TMCC1: variants seen among roughly 807,000 people sequenced by gnomAD.
TMCC1 encodes the protein transmembrane and coiled-coil domains protein 1.
A neutral mutation model predicts 52.4 loss-of-function variants in TMCC1; 15 were observed. That is an observed-to-expected ratio of 0.29 (90% CI 0.19 to 0.44). TMCC1 has a LOEUF of 0.44. Ranked by LOEUF, TMCC1 falls within the 20% of genes least tolerant of loss-of-function variation. TMCC1 has a pLI of 1.00. For synonymous variants in TMCC1, 279 were observed against 301.9 expected, an observed-to-expected ratio of 0.92 and a Z score of 0.79; for missense variants, 503 against 806.0, an observed-to-expected ratio of 0.62 and a Z score of 4.55.
intron 4 of TMCC1, among the ~76,000 whole-genome samples, chr3:129,720,377 T>A (rs2107591479): frequency 6.6e-6 from 1 of 152,238 alleles, no homozygotes; most frequent in African/African-American, 2.4e-5. Context: ...TGCACTGAGA[T>A]CTCCAGCACA....
At chr3:129,880,671 G>A (rs2061417146) in intron 1 of TMCC1, 112 bp from the exon 2 acceptor site, 1 of 152,078 alleles carries the variant, frequency 6.6e-6, no homozygotes. Context: ...AACCCAAAAT[G>A]CCCCAAAATC....
intron 6 of TMCC1, among the ~76,000 whole-genome samples, chr3:129,654,533 A>C (rs1184107207): frequency 6.6e-6 from 1 of 152,210 alleles, no homozygotes; most frequent in Non-Finnish European, 1.5e-5. Context: ...TATTAGCCTT[A>C]ATTAAACATT....
intron 4 of TMCC1, among the ~76,000 whole-genome samples, chr3:129,778,491 T>C (rs568842932): frequency 1.4e-4 from 22 of 152,334 alleles, no homozygotes; most frequent in Non-Finnish European, 2.5e-4. Flanking sequence ...ATAATTCCTA[T>C]AGTCCAGAAT....
At chr3:129,855,276 G>GT (rs1339230950) in intron 2 of TMCC1, among the ~76,000 whole-genome samples, 1 of 151,996 alleles carries the variant, frequency 6.6e-6, no homozygotes, top group African/African-American at 2.4e-5. Context: ...CTATAAATTA[G>GT]TTTTTTGAGT....
At chr3:129,809,501 A>G (rs898915759) in intron 4 of TMCC1, among the ~76,000 whole-genome samples, 2 of 152,178 alleles carry the variant, frequency 1.3e-5, no homozygotes, top group African/African-American at 2.4e-5. Context: ...GTTGGCCTAA[A>G]GCCACACAAT....
chr3:129,711,826 T>TAAAA (rs66986935), intron 4 of TMCC1, among the ~76,000 whole-genome samples: 1 of 118,730 alleles, frequency 8.4e-6, no homozygotes, highest in Admixed American at 9.0e-5. Flanking sequence ...CCGTCTCTAC[T>TAAAA]AAAAAAAAAA....
At chr3:129,757,911 C>G (rs2053162903) in intron 4 of TMCC1, among the ~76,000 whole-genome samples, 1 of 151,790 alleles carries the variant, frequency 6.6e-6, no homozygotes, top group East Asian at 1.9e-4. Context: ...AAACCCACAA[C>G]TGGACATCAC....
At chr3:129,891,689 T>C (rs2061969387) in intron 1 of TMCC1, among the ~76,000 whole-genome samples, 1 of 152,234 alleles carries the variant, frequency 6.6e-6, no homozygotes, top group African/African-American at 2.4e-5. Flanking sequence ...GAAGAGGCCT[T>C]GTCTGTTTTG....
chr3:129,720,181 CAAAAAAAAAA>C (rs765678095), intron 4 of TMCC1, among the ~76,000 whole-genome samples: 1 of 58,696 alleles, frequency 1.7e-5, no homozygotes, highest in African/African-American at 6.2e-5. Flanking sequence ...GACCCTGTCT[CAAAAAAAAAA>C]AAAAAAAAAA....
At chr3:129,759,665 C>T (rs1389261605) in intron 4 of TMCC1, among the ~76,000 whole-genome samples, 3 of 151,058 alleles carry the variant, frequency 2.0e-5, no homozygotes, top group Non-Finnish European at 4.4e-5. Flanking sequence ...CCTCAGCCTC[C>T]CAAAGCCCCC....
rs576706907 is a variant in TMCC1, at chr3:129,743,985, A to G, written c.577-72721T>C. Among the ~76,000 whole-genome samples, 3 of 152,134 alleles carry G rather than the reference A, an allele frequency of 2.0e-5. No homozygotes were observed. In the South Asian group the frequency reaches 6.2e-4, roughly 32 times the overall value. On this transcript the variant is annotated intron_variant, in intron 4 of 6. Transcript: ENST00000393238. Reference sequence around the variant, plus strand: ...ATAATAGTATCTAATGAAGCTGTCCACAGTGAAAAGCCTCTTTAATTTCAG... The same window carrying G: ...ATAATAGTATCTAATGAAGCTGTCCGCAGTGAAAAGCCTCTTTAATTTCAG...
intron 2 of TMCC1, among the ~76,000 whole-genome samples, chr3:129,878,178 G>A (rs2061311596): frequency 6.6e-6 from 1 of 151,388 alleles, no homozygotes; most frequent in Non-Finnish European, 1.5e-5. Context: ...TCGCCAGGCT[G>A]GTCTTGAACT....
At chr3:129,743,665 A>C (rs748445098) in intron 4 of TMCC1, among the ~76,000 whole-genome samples, 19 of 152,216 alleles carry the variant, frequency 1.2e-4, no homozygotes, top group Non-Finnish European at 2.1e-4. Context: ...GATTAAAAAA[A>C]GTCTCTTCAT....
At chr3:129,699,235 A>G (rs544913640) in intron 4 of TMCC1, among the ~76,000 whole-genome samples, 2 of 152,310 alleles carry the variant, frequency 1.3e-5, no homozygotes, top group East Asian at 1.9e-4. Context: ...ATGAGATAGG[A>G]GGTCAGAACA....
intron 4 of TMCC1, among the ~76,000 whole-genome samples, chr3:129,793,945 G>A (rs764723659): frequency 6.6e-5 from 10 of 152,162 alleles, no homozygotes; most frequent in Non-Finnish European, 1.2e-4. Flanking sequence ...TGAAAGCACT[G>A]ATTCCACAGA....
intron 5 of TMCC1, among the ~76,000 whole-genome samples, chr3:129,670,066 A>G (rs888584503): frequency 5.3e-5 from 8 of 152,208 alleles, no homozygotes; most frequent in African/African-American, 1.9e-4. Flanking sequence ...ACAGGCTGCA[A>G]TGACTGTGTA....
At chr3:129,735,059 G>A (rs565389538) in intron 4 of TMCC1, among the ~76,000 whole-genome samples, 38 of 151,904 alleles carry the variant, frequency 2.5e-4, no homozygotes, top group African/African-American at 7.2e-4. Flanking sequence ...CCGCCACCAC[G>A]CCCGGCTAAT....
At chr3:129,735,181 G>A (rs906786987) in intron 4 of TMCC1, among the ~76,000 whole-genome samples, 5 of 152,090 alleles carry the variant, frequency 3.3e-5, no homozygotes, top group Non-Finnish European at 5.9e-5. Context: ...GATTACAGGC[G>A]TGAGCCACTG....
At chr3:129,779,611 C>T (rs2055347865) in intron 4 of TMCC1, among the ~76,000 whole-genome samples, 1 of 152,052 alleles carries the variant, frequency 6.6e-6, no homozygotes, top group African/African-American at 2.4e-5. Flanking sequence ...TAAAGATTTA[C>T]CTCTTTGAAT....
Sources: gnomAD v4.1 joint callset for allele counts (sites outside exome capture counted in the v4.1 genomes callset) on GRCh38, gnomAD v4.1.1 for gene constraint, MANE v1.5 for transcripts, NCBI Gene and HGNC (gene_info 2026-07-23, HGNC 2026-07-21) for gene names.